Variants in SHB observed in about 807,000 individuals in gnomAD.
SHB encodes SH2 domain containing adaptor protein B, also known as SH2 domain-containing adapter protein B.
A neutral mutation model predicts 52.3 loss-of-function variants in SHB; 20 were observed. The ratio of observed to expected loss-of-function variants is 0.38; its 90% CI spans 0.27 to 0.56. The LOEUF is 0.56. SHB is among the 20% of genes least tolerant of loss of function. SHB has a pLI of 0.71. For synonymous variants in SHB, 397 were observed against 316.5 expected (o/e 1.25, Z -2.70); for missense variants, 825 against 723.3 (o/e 1.14, Z -1.61).
intron 1 of SHB, among the ~76,000 whole-genome samples, chr9:38,016,659 G>A (rs1161668839): frequency 6.6e-6 from 1 of 152,188 alleles, no homozygotes; most frequent in African/African-American, 2.4e-5. Context: ...ACAATTTGGT[G>A]AGATCAACTA....
chr9:37,956,355 G>T (rs7044173), intron 3 of SHB, among the ~76,000 whole-genome samples: 66,694 of 151,732 alleles, frequency 0.44, 14,804 homozygotes, highest in East Asian at 0.76. Flanking sequence ...CACTGCCTTC[G>T]GGGGGCACTG....
chr9:37,943,066 G>A (rs757391545), intron 5 of SHB, among the ~76,000 whole-genome samples: 1 of 152,128 alleles, frequency 6.6e-6, no homozygotes, highest in Non-Finnish European at 1.5e-5. Flanking sequence ...GTAAAGCCCC[G>A]ACCCCTCCAC....
intron 1 of SHB, among the ~76,000 whole-genome samples, chr9:38,029,936 T>C (rs969367558): frequency 6.6e-6 from 1 of 152,208 alleles, no homozygotes; most frequent in Non-Finnish European, 1.5e-5. Flanking sequence ...CGTGCATGCG[T>C]GTACACAAGC....
chr9:37,933,881 C>T (rs1020214016), intron 5 of SHB, among the ~76,000 whole-genome samples: 1 of 152,230 alleles, frequency 6.6e-6, no homozygotes, highest in Non-Finnish European at 1.5e-5. Flanking sequence ...TCCTGCAGGC[C>T]AAGGCCACTG....
chr9:38,068,518 G>C lies in SHB; in HGVS notation c.128C>G (p.Ala43Gly). The C allele has an allele frequency of 6.8e-7, 1 of 1,461,118 alleles. No individual in the cohort carries two copies. The highest frequency in any genetic ancestry group is 9.0e-7 in the Non-Finnish European group (1 of 1,116,952). 90.5% of individuals were successfully genotyped at this position (1,461,118 alleles called of 1,614,324 possible). A position where few individuals can be genotyped will look rare whatever the true frequency, so the allele number is the denominator to read the frequency against. The part of the protein sequence containing the change: ...RGERPSQPPQ[A>G]VPQASSAASA... Reference sequence around the variant, plus strand: ...GGCGGCGGAGGAGGCCTGCGGCACGGCCTGGGGGGGCTGCGAAGGCCGCTC... The same window carrying C: ...GGCGGCGGAGGAGGCCTGCGGCACGCCCTGGGGGGGCTGCGAAGGCCGCTC... The change falls in exon 1 of 6, where the codon GCC becomes GGC. Residue 43 changes from alanine to glycine, a missense_variant. By Grantham distance (60) the Ala-to-Gly change is moderately conservative. Transcript: ENST00000377707.
At chr9:38,005,042 C>T (rs925367682) in intron 2 of SHB, among the ~76,000 whole-genome samples, 3 of 152,170 alleles carry the variant, frequency 2.0e-5, no homozygotes, top group Admixed American at 1.3e-4. Flanking sequence ...CACAGGGCAC[C>T]GACAGTCTGA....
chr9:38,002,459 G>A (rs1430304096), intron 2 of SHB, among the ~76,000 whole-genome samples: 1 of 152,166 alleles, frequency 6.6e-6, no homozygotes, highest in African/African-American at 2.4e-5. Context: ...GGGGAAGGCA[G>A]GGCAGGAGGC....
At chr9:38,033,459 A>G (rs1887882) in intron 1 of SHB, among the ~76,000 whole-genome samples, 90,531 of 152,018 alleles carry the variant, frequency 0.6, 27,091 homozygotes, top group Middle Eastern at 0.67. Context: ...GAATTTGGGA[A>G]GATCACTTGA....
intron 5 of SHB, among the ~76,000 whole-genome samples, chr9:37,934,950 C>G (rs1029706646): frequency 1.3e-5 from 2 of 152,170 alleles, no homozygotes; most frequent in Non-Finnish European, 2.9e-5. Context: ...CACAAAGTTA[C>G]TTACTATAGG....
chr9:38,064,373 T>C (rs1821934204), intron 1 of SHB, among the ~76,000 whole-genome samples: 1 of 152,228 alleles, frequency 6.6e-6, no homozygotes, highest in African/African-American at 2.4e-5. Flanking sequence ...CTGTCATCTC[T>C]CATTCCCCAA....
chr9:37,948,803 A>G (rs1219902058), intron 4 of SHB, 49 bp from the exon 5 acceptor site: 4 of 1,609,528 alleles, frequency 2.5e-6, no homozygotes, highest in South Asian at 1.1e-5. Context: ...TGGGATTCCC[A>G]TGGCCCTGAC....
chr9:38,033,548 T>TGC (rs1438064237), intron 1 of SHB, among the ~76,000 whole-genome samples: 1 of 152,208 alleles, frequency 6.6e-6, no homozygotes, highest in African/African-American at 2.4e-5. Context: ...ATTAATCCAA[T>TGC]GCCCTAGTTG....
chr9:38,068,316 G>A lies in SHB; in HGVS notation c.330C>T (p.Cys110=). ...CGCTGCCGCCGCAGTAGTCCAGGCG[G>A]CACATGGCGCGCAGTTTGCGCAGCG... ...GSSLRKLRAM[C]RLDYCGGSGE... is the part of the protein sequence containing the mutation. Residue 110 remains cysteine (C), a synonymous_variant, in exon 1 of 6, where the codon TGC becomes TGT. Coordinates refer to ENST00000377707, the MANE Select transcript of SHB (RefSeq NM_003028.3). The A allele has an allele frequency of 6.6e-7, 1 of 1,526,120 alleles. No homozygotes were observed. Among genetic ancestry groups the A allele is most frequent in the Non-Finnish European group, 8.8e-7 (1 of 1,142,128 alleles). 94.5% of individuals were successfully genotyped at this position (1,526,120 alleles called of 1,614,324 possible).
chr9:37,987,389 A>G (rs2244199), intron 2 of SHB, among the ~76,000 whole-genome samples: 150,477 of 152,320 alleles, frequency 0.99, 74,355 homozygotes, highest in East Asian at 1. Context: ...AAGGGATGGA[A>G]GCAGTCTGGC....
rs199903163 is a variant in SHB, at chr9:38,068,518, G to A, written c.128C>T (p.Ala43Val). ...RGERPSQPPQ[A>V]VPQASSAASA... ...GGCGGCGGAGGAGGCCTGCGGCACG[G>A]CCTGGGGGGGCTGCGAAGGCCGCTC... The change falls in exon 1 of 6, where the codon GCC (alanine) becomes GTC (valine). Residue 43 changes from alanine (A) to valine (V), a missense_variant. Physicochemically the swap from Ala to Val is moderately conservative, Grantham distance 64. Transcript: ENST00000377707. 266 of 1,461,120 alleles carry A rather than the reference G, an allele frequency of 1.8e-4. No individual in the cohort carries two copies. The African/African-American group carries it at 3.1e-3, about 17-fold the overall frequency. The allele number at this position is 1,461,120 out of a possible 1,614,324, so 90.5% of individuals were successfully genotyped here. A position where few individuals can be genotyped will look rare whatever the true frequency, so the allele number is the denominator to read the frequency against.
At chr9:37,955,662 C>CT (rs1351038120) in intron 4 of SHB, among the ~76,000 whole-genome samples, 3 of 147,488 alleles carry the variant, frequency 2.0e-5, no homozygotes, top group Non-Finnish European at 4.5e-5. Context: ...ATTTTTTTTT[C>CT]TTTTTTTTGT....
At chr9:37,941,023 G>A (rs986080171) in intron 5 of SHB, among the ~76,000 whole-genome samples, 9 of 152,234 alleles carry the variant, frequency 5.9e-5, no homozygotes, top group Middle Eastern at 6.3e-3. Flanking sequence ...GTGCAAGAGA[G>A]GTGAGAGGTT....
At chr9:37,929,082 G>A (rs914656541) in intron 5 of SHB, among the ~76,000 whole-genome samples, 6 of 152,354 alleles carry the variant, frequency 3.9e-5, no homozygotes, top group South Asian at 2.1e-4. Flanking sequence ...GGTGCTGTAC[G>A]CAGCCCAGGC....
intron 1 of SHB, among the ~76,000 whole-genome samples, chr9:38,027,795 G>C (rs959596217): frequency 6.6e-6 from 1 of 151,930 alleles, no homozygotes; most frequent in African/African-American, 2.4e-5. Context: ...AAAAGCCCTC[G>C]GGCACAGAGA....
Sources: allele counts gnomAD v4.1 joint callset (sites outside exome capture counted in the v4.1 genomes callset), GRCh38; gene constraint gnomAD v4.1.1; transcripts MANE v1.5; gene names NCBI Gene and HGNC (gene_info 2026-07-23, HGNC 2026-07-21).